SLC15A5: variants seen among roughly 807,000 people sequenced by gnomAD.
SLC15A5 encodes the protein Peptide/histidine transporter ENSP00000340402.
SLC15A5 carries 58 observed loss-of-function variants against 56.1 expected under a neutral mutation model. That is an observed-to-expected ratio of 1.03 (90% CI 0.84 to 1.29). The LOEUF (loss-of-function observed/expected upper bound fraction) is 1.29. SLC15A5 is among the 50% of genes most tolerant of loss of function. SLC15A5 has a pLI of 0.00. For missense variants in SLC15A5, 681 were observed against 672.1 expected (o/e 1.01, Z -0.15); for synonymous variants, 264 against 250.5 (o/e 1.05, Z -0.51).
chr12:16,191,049 T>C (rs185429388), intron 8 of SLC15A5, among the ~76,000 whole-genome samples: 1 of 152,266 alleles, frequency 6.6e-6, no homozygotes, highest in East Asian at 1.9e-4. Context: ...ACATATTTAC[T>C]TTCATCTACC....
At chr12:16,229,684 A>ACACACACACAC (rs3028520) in intron 5 of SLC15A5, among the ~76,000 whole-genome samples, 1 of 147,440 alleles carries the variant, frequency 6.8e-6, no homozygotes, top group African/African-American at 2.5e-5. Flanking sequence ...ACACACACAC[A>ACACACACACAC]ATCTTAAATA....
intron 3 of SLC15A5, among the ~76,000 whole-genome samples, chr12:16,256,118 T>C (rs1267953101): frequency 6.6e-6 from 1 of 152,198 alleles, no homozygotes; most frequent in African/African-American, 2.4e-5. Flanking sequence ...AATAGTTACA[T>C]TAGCAGAATG....
At chr12:16,208,795 G>A (rs538616311) in intron 7 of SLC15A5, among the ~76,000 whole-genome samples, 2 of 152,278 alleles carry the variant, frequency 1.3e-5, no homozygotes, top group East Asian at 1.9e-4. Context: ...GTAAGAAGGT[G>A]TATGCATTTT....
chr12:16,220,684 T>C (rs2136247972), intron 6 of SLC15A5, among the ~76,000 whole-genome samples: 1 of 152,336 alleles, frequency 6.6e-6, no homozygotes, highest in African/African-American at 2.4e-5. Context: ...AACCATGTGT[T>C]GGATCAATAA....
chr12:16,273,712 T>G (rs1864786743), intron 1 of SLC15A5, among the ~76,000 whole-genome samples: 1 of 148,882 alleles, frequency 6.7e-6, no homozygotes, highest in Non-Finnish European at 1.5e-5. Context: ...TTCTTGGACC[T>G]CCTACCATCA....
At chr12:16,201,586 G>T (rs1863956869) in intron 7 of SLC15A5, among the ~76,000 whole-genome samples, 1 of 152,072 alleles carries the variant, frequency 6.6e-6, no homozygotes, top group African/African-American at 2.4e-5. Context: ...CATGGGGGTG[G>T]TTTCCCCCAT....
chr12:16,270,377 C>A (rs539897166), intron 2 of SLC15A5, among the ~76,000 whole-genome samples: 1 of 152,046 alleles, frequency 6.6e-6, no homozygotes, highest in African/African-American at 2.4e-5. Context: ...TTTAAAGGCA[C>A]GGCTGAAATT....
intron 7 of SLC15A5, among the ~76,000 whole-genome samples, chr12:16,197,272 G>A (rs3915246): frequency 0.48 from 73,198 of 151,760 alleles, 18,127 homozygotes; most frequent in South Asian, 0.72. Context: ...CTGTATAGCT[G>A]ATTTACATGG....
At chr12:16,262,734 G>A (rs1864654841) in intron 2 of SLC15A5, among the ~76,000 whole-genome samples, 1 of 152,166 alleles carries the variant, frequency 6.6e-6, no homozygotes, top group Admixed American at 6.5e-5. Context: ...AATTGGAGAT[G>A]ATTGAATCAT....
rs532135318 is a variant in SLC15A5, at chr12:16,224,494, G to C, written c.1271C>G (p.Thr424Ser). The part of the protein sequence containing the change: ...VEQPLSGKVL[T>S]VSSMPCFYLI... ...GTAGAAACAGGGCATGGAGGAAACA[G>C]TGAGAACTTTTCCTGAAAGGGGCTG... The change falls in exon 6 of 9, where the codon ACT (threonine) becomes AGT (serine). Residue 424 changes from threonine (T) to serine (S), a missense_variant. Physicochemically the swap from Thr to Ser is moderately conservative, Grantham distance 58. Coordinates refer to ENST00000344941, the MANE Select transcript of SLC15A5 (RefSeq NM_001170798.1). 2.0e-6 allele frequency: 3 copies of C among 1,537,258 alleles called. No individual in the cohort carries two copies. The highest frequency in any genetic ancestry group is 3.9e-5 in the Admixed American group (2 of 51,010).
At position 16,257,814 on chromosome 12, in the gene SLC15A5, A is replaced by G. The variant is rs1179763598; in HGVS notation, c.641T>C (p.Ile214Thr). Reference sequence around the variant, plus strand: ...AAGGGCCCAGGCCTGTGAGTGCTGGATGTAAGATATTCCCAGAAACACAAT... The same window carrying G: ...AAGGGCCCAGGCCTGTGAGTGCTGGGTGTAAGATATTCCCAGAAACACAAT... Reference protein sequence around the residue: ...ATIVFLGISYIQHSQAWALVL... With the variant: ...ATIVFLGISYTQHSQAWALVL... The change falls in exon 3 of 9, where the codon ATC becomes ACC. Residue 214 changes from isoleucine (I) to threonine (T), a missense_variant. Ile to Thr is a moderately conservative substitution (Grantham distance 89). Coordinates refer to ENST00000344941, the MANE Select transcript of SLC15A5 (RefSeq NM_001170798.1). 6.6e-7 allele frequency: 1 copy of G among 1,525,248 alleles called. No homozygotes were observed. The allele number at this position is 1,525,248 out of a possible 1,614,324, so 94.5% of individuals were successfully genotyped here.
At position 16,271,272 on chromosome 12, in the gene SLC15A5, A is replaced by G. The variant is rs1864752620; in HGVS notation, c.584+1289T>C. Among the ~76,000 whole-genome samples the G allele has an allele frequency of 6.6e-6, 1 of 152,204 alleles. No homozygotes were observed. Among genetic ancestry groups the G allele is most frequent in the Admixed American group, 6.6e-5 (1 of 15,266 alleles). On this transcript the variant is annotated intron_variant, in intron 2 of 8. Coordinates refer to ENST00000344941, the MANE Select transcript of SLC15A5 (RefSeq NM_001170798.1). This position sits in a 1 kb window ranked among gnomAD's most constrained non-coding sequence, Gnocchi z 8.0. Reference sequence around the variant, plus strand: ...AACACAACTCTGAATGACTAAGACCACAGTACAATAAATTCTCCAGAGCTA... The same window carrying G: ...AACACAACTCTGAATGACTAAGACCGCAGTACAATAAATTCTCCAGAGCTA...
At chr12:16,263,162 T>C (rs535118184) in intron 2 of SLC15A5, among the ~76,000 whole-genome samples, 1 of 152,270 alleles carries the variant, frequency 6.6e-6, no homozygotes, top group East Asian at 1.9e-4. Flanking sequence ...CCTGGAGACT[T>C]GTTGAATGGC....
chr12:16,252,047 T>G (rs1055870467), intron 3 of SLC15A5, among the ~76,000 whole-genome samples: 43 of 151,880 alleles, frequency 2.8e-4, no homozygotes, highest in African/African-American at 9.9e-4. Flanking sequence ...ATTAACAAAA[T>G]GAAGGACAAA....
At chr12:16,198,547 C>G (rs1222805483) in intron 7 of SLC15A5, among the ~76,000 whole-genome samples, 4 of 152,122 alleles carry the variant, frequency 2.6e-5, no homozygotes, top group African/African-American at 7.2e-5. Flanking sequence ...CTGCTGTAGT[C>G]CACCTCTTGG....
At chr12:16,249,236 A>C (rs1425422925) in intron 3 of SLC15A5, among the ~76,000 whole-genome samples, 1 of 152,084 alleles carries the variant, frequency 6.6e-6, no homozygotes, top group Non-Finnish European at 1.5e-5. Context: ...AATGAAATGC[A>C]TGGTCCACAT....
chr12:16,219,760 T>TC (rs1864168096), intron 6 of SLC15A5, among the ~76,000 whole-genome samples: 1 of 151,946 alleles, frequency 6.6e-6, no homozygotes, highest in African/African-American at 2.4e-5. Flanking sequence ...AATTTGATTT[T>TC]TTTTAGGCTC....
chr12:16,230,095 G>A (rs1864281917), intron 5 of SLC15A5, among the ~76,000 whole-genome samples: 1 of 151,950 alleles, frequency 6.6e-6, no homozygotes, highest in South Asian at 2.1e-4. Flanking sequence ...AGAGAGAAAA[G>A]GCTTAGGGGC....
rs1046081332 is a variant in SLC15A5 at position 16,189,664 on chromosome 12, A to T, written c.*4T>A. 4.7e-6 allele frequency: 7 copies of T among 1,488,020 alleles called. No homozygotes were observed. The highest frequency in any genetic ancestry group is 1.4e-5 in the African/African-American group (1 of 70,876). The allele number at this position is 1,488,020 out of a possible 1,614,324, so 92.2% of individuals were successfully genotyped here. ...TCATAAGACAGGTAGACTCAAACACAGTTTCATAGGGCTGTCTCCCAAAGA... is the reference window on the plus strand; with the variant it reads ...TCATAAGACAGGTAGACTCAAACACTGTTTCATAGGGCTGTCTCCCAAAGA... On this transcript the variant is annotated 3_prime_UTR_variant, in exon 9 of 9. Transcript: ENST00000344941.
Sources: allele counts gnomAD v4.1 joint callset (sites outside exome capture counted in the v4.1 genomes callset), GRCh38; gene constraint gnomAD v4.1.1; non-coding constraint Gnocchi (gnomAD v3.1); transcripts MANE v1.5; gene names NCBI Gene and HGNC (gene_info 2026-07-23, HGNC 2026-07-21).